The following CCDC178 variants were observed in gnomAD, a reference collection of about 807,000 sequenced individuals.
CCDC178 encodes the protein coiled-coil domain containing 178, also known as coiled-coil domain-containing protein 178.
CCDC178 carries 126 observed loss-of-function variants against 117.4 expected under a neutral mutation model. That is an observed-to-expected ratio of 1.07 (90% CI 0.93 to 1.24). CCDC178 has a LOEUF of 1.24. CCDC178 is among the 50% of genes most tolerant of loss of function. The pLI is 0.00. For missense variants in CCDC178, 1,030 were observed against 986.9 expected, an observed-to-expected ratio of 1.04 and a Z score of -0.59; for synonymous variants, 283 against 313.4, an observed-to-expected ratio of 0.90 and a Z score of 1.02.
chr18:33,416,300 G>A (rs577614659), intron 2 of CCDC178, among the ~76,000 whole-genome samples: 5 of 152,140 alleles, frequency 3.3e-5, no homozygotes, highest in Admixed American at 1.3e-4. Flanking sequence ...GGTGGCGGGC[G>A]CCTATAGTCC....
chr18:33,239,788 C>CT (rs1387626452), intron 15 of CCDC178, among the ~76,000 whole-genome samples: 1 of 151,808 alleles, frequency 6.6e-6, no homozygotes, highest in African/African-American at 2.4e-5. Flanking sequence ...ACTCTCAGCA[C>CT]TGGACAGACC....
intron 20 of CCDC178, among the ~76,000 whole-genome samples, chr18:33,125,484 T>C (rs139180636): frequency 9.2e-5 from 14 of 152,294 alleles, no homozygotes; most frequent in Admixed American, 2.6e-4. Flanking sequence ...ATATGCTTGA[T>C]CATTTATCAA....
At chr18:33,336,040 T>A (rs933686725) in intron 9 of CCDC178, among the ~76,000 whole-genome samples, 1 of 152,154 alleles carries the variant, frequency 6.6e-6, no homozygotes, top group African/African-American at 2.4e-5. Context: ...TTAAATGACA[T>A]TCTCCACTTA....
intron 22 of CCDC178, among the ~76,000 whole-genome samples, chr18:32,939,826 G>A (rs373757908): frequency 9.9e-4 from 151 of 152,152 alleles, no homozygotes; most frequent in African/African-American, 3.2e-3. Flanking sequence ...TTTCATATCC[G>A]AAATGTTTGG....
At chr18:33,337,571 C>T in intron 9 of CCDC178, among the ~76,000 whole-genome samples, 1 of 151,954 alleles carries the variant, frequency 6.6e-6, no homozygotes, top group Non-Finnish European at 1.5e-5. Context: ...GGCACGTAGA[C>T]CAATGGAACA....
chr18:33,389,343 C>G (rs1251261960), intron 5 of CCDC178, among the ~76,000 whole-genome samples, 197 bp downstream of exon 5: 1 of 151,388 alleles, frequency 6.6e-6, no homozygotes, highest in Admixed American at 6.6e-5. Context: ...ATTCATAAAC[C>G]CAGATTATAC....
chr18:33,344,865 A>G (rs1412277454), intron 9 of CCDC178, among the ~76,000 whole-genome samples: 2 of 137,894 alleles, frequency 1.5e-5, no homozygotes, highest in East Asian at 5.0e-4. Context: ...ATATATTTAT[A>G]AATTATATAA....
At chr18:33,395,732 T>C (rs1426969426) in intron 4 of CCDC178, among the ~76,000 whole-genome samples, 1 of 152,102 alleles carries the variant, frequency 6.6e-6, no homozygotes, top group African/African-American at 2.4e-5. Context: ...CATCATGGAA[T>C]GCCCATGAAT....
chr18:33,195,548 G>A (rs551233406), intron 20 of CCDC178, among the ~76,000 whole-genome samples: 1 of 152,170 alleles, frequency 6.6e-6, no homozygotes, highest in South Asian at 2.1e-4. Flanking sequence ...TTTTCCTCCT[G>A]TGTTTTGTAG....
chr18:33,339,761 C>G (rs561106689), intron 9 of CCDC178, among the ~76,000 whole-genome samples: 1 of 152,020 alleles, frequency 6.6e-6, no homozygotes, highest in Non-Finnish European at 1.5e-5. Context: ...GTTATTGCTT[C>G]TTCCTCATTT....
Position 32,944,460 on chromosome 18 carries a change from T to C in CCDC178, c.2524-6369A>G, listed in dbSNP as rs1030451445. ...GATGGGGAGGCACTGATGGGCCTAT[T>C]TTAAAGAATCACCATGTCTGTAGTA... On this transcript the variant is annotated intron_variant, in intron 22 of 22. Coordinates refer to ENST00000383096, the MANE Select transcript of CCDC178 (RefSeq NM_001105528.4). Among the ~76,000 whole-genome samples the C allele has an allele frequency of 3.9e-5, 6 of 152,296 alleles. No individual in the cohort carries two copies. The South Asian group carries it at 6.2e-4, about 16-fold the overall frequency.
intron 21 of CCDC178, among the ~76,000 whole-genome samples, chr18:32,992,887 C>G (rs996500091): frequency 6.6e-6 from 1 of 152,052 alleles, no homozygotes; most frequent in African/African-American, 2.4e-5. Context: ...ATGTTGGGGC[C>G]AGGCACCGTT....
At chr18:32,985,158 T>C (rs1017974845) in intron 21 of CCDC178, among the ~76,000 whole-genome samples, 1 of 152,018 alleles carries the variant, frequency 6.6e-6, no homozygotes, top group Non-Finnish European at 1.5e-5. Context: ...AGAAGAAATA[T>C]AGTATATTTT....
intron 20 of CCDC178, among the ~76,000 whole-genome samples, chr18:33,164,495 C>T (rs1182300179): frequency 1.3e-5 from 2 of 151,458 alleles, no homozygotes; most frequent in Admixed American, 6.6e-5. Context: ...TGATAATTAC[C>T]ATTTTGGAAA....
At chr18:33,156,713 T>C (rs1172518351) in intron 20 of CCDC178, among the ~76,000 whole-genome samples, 1 of 151,592 alleles carries the variant, frequency 6.6e-6, no homozygotes, top group East Asian at 1.9e-4. Flanking sequence ...ATGCTGTAAT[T>C]AAAATACAAA....
At chr18:33,114,915 T>C (rs1201170959) in intron 20 of CCDC178, among the ~76,000 whole-genome samples, 2 of 152,044 alleles carry the variant, frequency 1.3e-5, no homozygotes, top group African/African-American at 4.8e-5. Context: ...TGTGGCTGCC[T>C]AGTTGTCATT....
chr18:33,054,982 G>C (rs1284832435), intron 21 of CCDC178, among the ~76,000 whole-genome samples: 1 of 152,188 alleles, frequency 6.6e-6, no homozygotes, highest in African/African-American at 2.4e-5. Flanking sequence ...TGACTGGTGT[G>C]AGATGGTATC....
At chr18:33,432,366 C>A (rs901095197) in intron 2 of CCDC178, among the ~76,000 whole-genome samples, 1 of 151,924 alleles carries the variant, frequency 6.6e-6, no homozygotes, top group Non-Finnish European at 1.5e-5. Context: ...ATTAGTAGAG[C>A]CTAAACATTT....
intron 6 of CCDC178, among the ~76,000 whole-genome samples, chr18:33,357,190 C>A (rs994621878): frequency 9.9e-5 from 15 of 152,166 alleles, no homozygotes; most frequent in African/African-American, 3.6e-4. Flanking sequence ...CTTCTGCCCC[C>A]CTAAAATGTA....
Sources: gnomAD v4.1 joint callset for allele counts (sites outside exome capture counted in the v4.1 genomes callset) on GRCh38, gnomAD v4.1.1 for gene constraint, MANE v1.5 for transcripts, NCBI Gene and HGNC (gene_info 2026-07-23, HGNC 2026-07-21) for gene names.